Variants in SLCO1A2 observed in about 807,000 individuals in gnomAD.
SLCO1A2 encodes the protein solute carrier organic anion transporter family member 1A2.
A neutral mutation model predicts 69.0 loss-of-function variants in SLCO1A2; 67 were observed. That is an observed-to-expected ratio of 0.97 (90% confidence interval 0.80 to 1.19). The LOEUF is 1.19. Ranked by LOEUF, SLCO1A2 falls within the 50% of genes most tolerant of loss-of-function variation. The pLI is 0.00. For missense variants in SLCO1A2, 787 were observed against 793.7 expected (o/e 0.99, Z 0.10); for synonymous variants, 260 against 265.9 (o/e 0.98, Z 0.22).
chr12:21,360,750 G>A (rs1406331064), intron 2 of SLCO1A2, among the ~76,000 whole-genome samples: 1 of 152,242 alleles, frequency 6.6e-6, no homozygotes, highest in East Asian at 1.9e-4. Flanking sequence ...TCCCGCGGCT[G>A]GCTTGGAGGC....
At chr12:21,411,847 C>A (rs1055875061) in intron 1 of SLCO1A2, among the ~76,000 whole-genome samples, 3 of 151,956 alleles carry the variant, frequency 2.0e-5, no homozygotes, top group Admixed American at 1.3e-4. Context: ...CCACGCCCAG[C>A]TAATTTTTTG....
Position 21,274,510 on chromosome 12 carries a change from A to G in SLCO1A2, c.1752T>C (p.Gly584=), listed in dbSNP as rs954037538. ...CATATATCCTGCATGCCCCTGACTCACCACATTTCAAAGTTCCCCAGTGTA... is the reference window on the plus strand; with the variant it reads ...CATATATCCTGCATGCCCCTGACTCGCCACATTTCAAAGTTCCCCAGTGTA... ...TCLHWGTLKC[G]ESGACRIYDS... The change falls in exon 14 of 15, where the codon GGT becomes GGC. Residue 584 remains glycine (G), a synonymous_variant. Coordinates refer to ENST00000683939, the MANE Select transcript of SLCO1A2 (RefSeq NM_001386879.1). 2 of 1,613,638 alleles carry G rather than the reference A, an allele frequency of 1.2e-6. No individual in the cohort carries two copies. The highest frequency in any genetic ancestry group is 1.7e-5 in the Admixed American group (1 of 60,010).
chr12:21,402,673 G>C (rs991433501), intron 1 of SLCO1A2, among the ~76,000 whole-genome samples: 1 of 152,066 alleles, frequency 6.6e-6, no homozygotes, highest in Non-Finnish European at 1.5e-5. Context: ...TGCTGACCTA[G>C]AGGGATGTCC....
At chr12:21,373,888 T>G (rs1212300396) in intron 2 of SLCO1A2, among the ~76,000 whole-genome samples, 1 of 152,162 alleles carries the variant, frequency 6.6e-6, no homozygotes, top group East Asian at 1.9e-4. Flanking sequence ...CTTTTACATC[T>G]TGTGGAAATG....
intron 1 of SLCO1A2, among the ~76,000 whole-genome samples, chr12:21,386,806 T>C (rs1026483708): frequency 6.6e-6 from 1 of 151,210 alleles, no homozygotes; most frequent in African/African-American, 2.4e-5. Flanking sequence ...CAAGCAGAGG[T>C]TGGAATAGTT....
chr12:21,387,794 G>C (rs1940957308), intron 1 of SLCO1A2, among the ~76,000 whole-genome samples: 1 of 152,154 alleles, frequency 6.6e-6, no homozygotes, highest in African/African-American at 2.4e-5. Flanking sequence ...CAGAATGGTA[G>C]ATCCACCGAC....
In SLCO1A2 at chr12:21,300,290, G is replaced by A. The variant is rs538631584; in HGVS notation, c.910+58C>T. ...TATCATAGTGTTAGACTAAAATACA[G>A]ACATATCTATATGAAATAAAAGGTC... is the stretch of plus-strand genomic sequence containing the variant. On this transcript the variant is annotated intron_variant, in intron 8 of 14. Transcript: ENST00000683939. 155 of 1,244,462 alleles carry A rather than the reference G, an allele frequency of 1.2e-4. No homozygotes were observed. In the African/African-American group the frequency reaches 2.0e-3, roughly 16 times the overall value. 77.1% of individuals were successfully genotyped at this position (1,244,462 alleles called of 1,614,324 possible). A position where few individuals can be genotyped will look rare whatever the true frequency, so the allele number is the denominator to read the frequency against.
chr12:21,409,177 G>C (rs917794212), intron 1 of SLCO1A2, among the ~76,000 whole-genome samples: 1 of 152,100 alleles, frequency 6.6e-6, no homozygotes, highest in African/African-American at 2.4e-5. Context: ...TGGATCCTGA[G>C]GTTTTGCTTC....
intron 1 of SLCO1A2, among the ~76,000 whole-genome samples, chr12:21,390,921 G>A (rs974403706): frequency 6.6e-6 from 1 of 152,168 alleles, no homozygotes; most frequent in African/African-American, 2.4e-5. Context: ...CTTCAGCTCT[G>A]TCTTGTCTTT....
At chr12:21,318,737 A>T (rs1349380279) in intron 3 of SLCO1A2, 45 bp downstream of exon 3, 36 of 1,543,208 alleles carry the variant, frequency 2.3e-5, no homozygotes, top group Non-Finnish European at 3.2e-5. Context: ...AGCTCCACAG[A>T]TAAGACAAAA....
At chr12:21,330,869 A>C (rs912029274) in intron 2 of SLCO1A2, among the ~76,000 whole-genome samples, 1 of 152,140 alleles carries the variant, frequency 6.6e-6, no homozygotes, top group Non-Finnish European at 1.5e-5. Flanking sequence ...ACCTTATTAC[A>C]ACTTACACAG....
intron 14 of SLCO1A2, among the ~76,000 whole-genome samples, chr12:21,272,234 G>A (rs1024307218): frequency 6.6e-6 from 1 of 151,516 alleles, no homozygotes; most frequent in Non-Finnish European, 1.5e-5. Context: ...AGATATAGAT[G>A]TATTATAGAT....
chr12:21,387,421 T>C (rs1038236835), intron 1 of SLCO1A2, among the ~76,000 whole-genome samples: 1 of 152,106 alleles, frequency 6.6e-6, no homozygotes, highest in African/African-American at 2.4e-5. Flanking sequence ...TCCTGCTGTG[T>C]ACACCCTTGG....
At position 21,319,638 on chromosome 12, in the gene SLCO1A2, C is replaced by T. The variant is rs550455876; in HGVS notation, c.61-715G>A. 375 of 400,330 alleles carry T rather than the reference C, an allele frequency of 9.4e-4. 1 individual carries two copies. In the Middle Eastern group the frequency reaches 0.015, roughly 16 times the overall value. The allele number at this position is 400,330 out of a possible 1,614,324, so 24.8% of individuals were successfully genotyped here. On this transcript the variant is annotated intron_variant, in intron 2 of 14. Transcript: ENST00000683939. Reference sequence around the variant, plus strand: ...GACTCCATTTATTTTGGGAAGCTTTCCTGAACCTTGGAGAATCAGCTCACC... The same window carrying T: ...GACTCCATTTATTTTGGGAAGCTTTTCTGAACCTTGGAGAATCAGCTCACC...
chr12:21,372,709 G>A (rs1290778880), intron 2 of SLCO1A2, among the ~76,000 whole-genome samples: 1 of 152,158 alleles, frequency 6.6e-6, no homozygotes, highest in Non-Finnish European at 1.5e-5. Context: ...AACTGCACAA[G>A]GACACTGTGT....
At chr12:21,315,576 T>C (rs1378072074) in intron 3 of SLCO1A2, among the ~76,000 whole-genome samples, 1 of 152,252 alleles carries the variant, frequency 6.6e-6, no homozygotes, top group East Asian at 1.9e-4. Flanking sequence ...AAGGAGTTAA[T>C]AATTTTCTAA....
chr12:21,275,237 A>G (rs1391416049), intron 13 of SLCO1A2, 123 bp downstream of exon 13: 2 of 907,906 alleles, frequency 2.2e-6, no homozygotes, highest in Non-Finnish European at 1.6e-6. Flanking sequence ...CCAACATGGC[A>G]CATGTATACA....
At chr12:21,405,975 T>A (rs1941817348) in intron 1 of SLCO1A2, among the ~76,000 whole-genome samples, 3 of 152,150 alleles carry the variant, frequency 2.0e-5, no homozygotes, top group Non-Finnish European at 4.4e-5. Flanking sequence ...TCAAGAAATA[T>A]TTATTGAGCA....
upstream of SLCO1A2, among the ~76,000 whole-genome samples, chr12:21,418,961 T>G (rs957214880): frequency 1.3e-5 from 2 of 152,136 alleles, no homozygotes; most frequent in Admixed American, 6.6e-5. Context: ...CACACAAAAA[T>G]TGTATAAAAT....
Sources: gnomAD v4.1 joint callset for allele counts (sites outside exome capture counted in the v4.1 genomes callset) on GRCh38, gnomAD v4.1.1 for gene constraint, MANE v1.5 for transcripts, NCBI Gene and HGNC (gene_info 2026-07-23, HGNC 2026-07-21) for gene names.